CCDC158: variants seen among roughly 807,000 people sequenced by gnomAD.
CCDC158 encodes the protein coiled-coil domain containing 158, also known as coiled-coil domain-containing protein 158.
Under a neutral mutation model 138.6 loss-of-function variants are expected in CCDC158, and 116 were observed. The observed-to-expected ratio is 0.84, with a 90% confidence interval of 0.72 to 0.98. The LOEUF (loss-of-function observed/expected upper bound fraction) is 0.98, where lower values mean the gene tolerates loss of function less well. Ranked by LOEUF, CCDC158 falls within the 50% of genes least tolerant of loss-of-function variation. The pLI is 0.00. For synonymous variants in CCDC158, 436 were observed against 442.4 expected (o/e 0.99, Z 0.18); for missense variants, 1,265 against 1,306.1 (o/e 0.97, Z 0.48).
At chr4:76,374,239 C>T (rs1725515629) in intron 9 of CCDC158, among the ~76,000 whole-genome samples, 1 of 152,176 alleles carries the variant, frequency 6.6e-6, no homozygotes, top group South Asian at 2.1e-4. Flanking sequence ...AATTCAAGCT[C>T]TGTAACACAG....
intron 9 of CCDC158, among the ~76,000 whole-genome samples, chr4:76,374,159 A>G (rs1725507668): frequency 6.6e-6 from 1 of 152,172 alleles, no homozygotes; most frequent in Non-Finnish European, 1.5e-5. Context: ...CTCTCTTAAA[A>G]AAACAAAAAA....
chr4:76,317,126 G>A (rs898177855), intron 24 of CCDC158, among the ~76,000 whole-genome samples: 5 of 151,462 alleles, frequency 3.3e-5, no homozygotes, highest in Admixed American at 2.0e-4. Context: ...ACAGTATCTC[G>A]TATTTCAATA....
chr4:76,374,299 T>C (rs1725520945), intron 9 of CCDC158, among the ~76,000 whole-genome samples: 1 of 152,216 alleles, frequency 6.6e-6, no homozygotes, highest in African/African-American at 2.4e-5. Flanking sequence ...TAAAATCTCT[T>C]CACTTTTGTT....
rs1560455899 is a variant in CCDC158 at position 76,384,149 on chromosome 4, A to G, written c.665T>C (p.Ile222Thr). Residue 222 changes from isoleucine (I) to threonine (T), a missense_variant, in exon 6 of 25, where the codon ATT (isoleucine) becomes ACT (threonine). Coordinates refer to ENST00000682701, the MANE Select transcript of CCDC158 (RefSeq NM_001394954.1). ...TLHFRSLGSAISKILRELDTE... is the reference protein window; with the variant it reads ...TLHFRSLGSATSKILRELDTE... Reference sequence around the variant, plus strand: ...GTCTAATTCTCTTAGTATTTTACTAATAGCTGAGCCCAAGCTGCGGAAGTG... The same window carrying G: ...GTCTAATTCTCTTAGTATTTTACTAGTAGCTGAGCCCAAGCTGCGGAAGTG... The G allele has an allele frequency of 6.2e-7, 1 of 1,614,046 alleles. No individual in the cohort carries two copies.
At chr4:76,352,192 C>G (rs560066928) in intron 16 of CCDC158, 1 of 160,430 alleles carries the variant, frequency 6.2e-6, no homozygotes, top group East Asian at 1.8e-4. Context: ...ATCACGAGGT[C>G]AAGAGATGGA....
chr4:76,341,238 G>A (rs1041484782), intron 18 of CCDC158, among the ~76,000 whole-genome samples: 1 of 152,088 alleles, frequency 6.6e-6, no homozygotes, highest in African/African-American at 2.4e-5. Context: ...AGATAAGTGA[G>A]GCCTAGGGAG....
intron 2 of CCDC158, among the ~76,000 whole-genome samples, chr4:76,403,884 A>C (rs1728606725): frequency 1.3e-5 from 2 of 152,178 alleles, no homozygotes; most frequent in African/African-American, 4.8e-5. Context: ...CAACACTACA[A>C]GCCTAGGGGT....
At chr4:76,315,691 G>A (rs13113840) in intron 24 of CCDC158, among the ~76,000 whole-genome samples, 128,193 of 152,138 alleles carry the variant, frequency 0.84, 54,254 homozygotes, top group South Asian at 0.94. Flanking sequence ...ACATATCTAT[G>A]ACCAAGGACT....
At chr4:76,345,204 A>C in intron 18 of CCDC158, 1 of 944,942 alleles carries the variant, frequency 1.1e-6, no homozygotes. Flanking sequence ...TGACAAACTT[A>C]GGAAAGTAGA....
intron 9 of CCDC158, among the ~76,000 whole-genome samples, chr4:76,372,220 C>T (rs1357655189): frequency 6.6e-6 from 1 of 152,196 alleles, no homozygotes; most frequent in Non-Finnish European, 1.5e-5. Flanking sequence ...AGGAGGATCC[C>T]TTGAGCCCAG....
rs537649633 is a variant in CCDC158, at chr4:76,414,001, G to A, written c.-116-1869C>T. On this transcript the variant is annotated intron_variant, in intron 1 of 24. Transcript: ENST00000682701. The stretch of plus-strand genomic sequence containing the variant: ...TTGTCACCCAGGTGGCTGTGCAGTG[G>A]TGGCTCAAGTGATCCTTCCACCTCA... Among the ~76,000 whole-genome samples, 5 of 152,112 alleles carry A rather than the reference G, an allele frequency of 3.3e-5. No homozygotes were observed. The East Asian group carries it at 9.7e-4, about 30-fold the overall frequency.
intron 15 of CCDC158, among the ~76,000 whole-genome samples, chr4:76,353,721 C>T (rs1723268435): frequency 6.6e-6 from 1 of 152,030 alleles, no homozygotes; most frequent in African/African-American, 2.4e-5. Context: ...TACTGCATAC[C>T]TGCGACAGAA....
At chr4:76,401,390 G>T in intron 3 of CCDC158, 1 of 492,116 alleles carries the variant, frequency 2.0e-6, no homozygotes, top group Non-Finnish European at 4.0e-6. Flanking sequence ...GAAGCAGAGT[G>T]GCTATGGTAG....
At position 76,331,412 on chromosome 4, in the gene CCDC158, A is replaced by G. The variant is rs556504433; in HGVS notation, c.2883-9T>C. On this transcript the variant is annotated splice_polypyrimidine_tract_variant and intron_variant, in intron 20 of 24. Transcript: ENST00000682701. ...TCAACGAGTTGTTGCTTCTGTTGGT[A>G]GAGGGATGGGAGAAATCACAGTTTA... The G allele has an allele frequency of 9.1e-5, 146 of 1,612,462 alleles. No homozygotes were observed. The East Asian group carries it at 3.2e-3, about 35-fold the overall frequency.
intron 4 of CCDC158, among the ~76,000 whole-genome samples, chr4:76,385,678 G>GA (rs1379790926): frequency 1.3e-5 from 2 of 151,774 alleles, no homozygotes; most frequent in Admixed American, 6.6e-5. Context: ...AGACAGAACT[G>GA]AAAAAACAGA....
At chr4:76,352,973 G>C (rs1723192832) in intron 16 of CCDC158, 150 bp downstream of exon 16, 1 of 605,914 alleles carries the variant, frequency 1.7e-6, no homozygotes, top group Non-Finnish European at 2.6e-6. Flanking sequence ...TCTCTAATAG[G>C]ATAGGGTTTT....
At chr4:76,369,207 G>A (rs774406418) in intron 11 of CCDC158, among the ~76,000 whole-genome samples, 1 of 151,052 alleles carries the variant, frequency 6.6e-6, no homozygotes, top group Non-Finnish European at 1.5e-5. Flanking sequence ...AGAGGAAGAC[G>A]CCATCTAAAA....
At chr4:76,329,435 T>A (rs1720822654) in intron 21 of CCDC158, among the ~76,000 whole-genome samples, 1 of 151,858 alleles carries the variant, frequency 6.6e-6, no homozygotes, top group Non-Finnish European at 1.5e-5. Context: ...ATAAGAAAAA[T>A]TAGCCGGGCG....
At chr4:76,359,585 G>A (rs1723932534) in intron 13 of CCDC158, among the ~76,000 whole-genome samples, 1 of 152,220 alleles carries the variant, frequency 6.6e-6, no homozygotes, top group African/African-American at 2.4e-5. Flanking sequence ...CTTTAGCAAA[G>A]AGACTGGCAG....
Sources: allele counts gnomAD v4.1 joint callset (sites outside exome capture counted in the v4.1 genomes callset), GRCh38; gene constraint gnomAD v4.1.1; transcripts MANE v1.5; gene names NCBI Gene and HGNC (gene_info 2026-07-23, HGNC 2026-07-21).